TMEM117: variants seen among roughly 807,000 people sequenced by gnomAD.
TMEM117 encodes the protein transmembrane protein 117.
TMEM117 carries 27 observed loss-of-function variants against 52.4 expected under a neutral mutation model. The observed-to-expected ratio is 0.51, with a 90% CI of 0.38 to 0.71. The LOEUF is 0.71. Ranked by LOEUF, TMEM117 falls within the 30% of genes least tolerant of loss-of-function variation. The probability of loss-of-function intolerance (pLI) is 0.00; values close to 1 mark genes in which losing one functional copy is unlikely to be tolerated. For synonymous variants in TMEM117, 215 were observed against 206.3 expected, an observed-to-expected ratio of 1.04 and a Z score of -0.36; for missense variants, 556 against 630.5, an observed-to-expected ratio of 0.88 and a Z score of 1.26.
the TMEM117 span, among the ~76,000 whole-genome samples, chr12:43,810,862 T>TAGGCTAGGTCA: frequency 6.6e-6 from 1 of 152,184 alleles, no homozygotes; most frequent in Admixed American, 6.5e-5. Context: ...TTTTTCAGAA[T>TAGGCTAGGTCA]AGGCTAGGTC....
chr12:43,829,829 C>T, the TMEM117 span, among the ~76,000 whole-genome samples: 1 of 152,130 alleles, frequency 6.6e-6, no homozygotes, highest in Non-Finnish European at 1.5e-5. Context: ...GTGGCTCACG[C>T]CTGTAATCCC....
At chr12:44,005,089 T>C (rs1214333002) in intron 3 of TMEM117, among the ~76,000 whole-genome samples, 1 of 152,230 alleles carries the variant, frequency 6.6e-6, no homozygotes, top group Non-Finnish European at 1.5e-5. Context: ...TTGTCAGGCA[T>C]GCTCACATGT....
At chr12:44,297,299 T>A (rs1565685386) in intron 5 of TMEM117, among the ~76,000 whole-genome samples, 1 of 152,218 alleles carries the variant, frequency 6.6e-6, no homozygotes. Flanking sequence ...CTTAATCAAC[T>A]GTCTTTACTA....
At chr12:44,279,216 A>G (rs910072909) in intron 5 of TMEM117, among the ~76,000 whole-genome samples, 1 of 152,204 alleles carries the variant, frequency 6.6e-6, no homozygotes, top group Admixed American at 6.5e-5. Context: ...ATTAGGTAGC[A>G]TTTTAATATG....
chr12:43,806,164 G>T, the TMEM117 span: 1 of 1,535,234 alleles, frequency 6.5e-7, no homozygotes, highest in Non-Finnish European at 8.7e-7. Context: ...CAGCCCTCCC[G>T]GCTCTCCCGG....
At chr12:44,262,131 T>C (rs1020979869) in intron 5 of TMEM117, among the ~76,000 whole-genome samples, 1 of 152,140 alleles carries the variant, frequency 6.6e-6, no homozygotes, top group Non-Finnish European at 1.5e-5. Context: ...AGTCCTGCCT[T>C]TAAAATAAGG....
chr12:43,832,840 A>ACT (rs1257126125), upstream of TMEM117, among the ~76,000 whole-genome samples: 2 of 152,118 alleles, frequency 1.3e-5, no homozygotes, highest in Non-Finnish European at 2.9e-5. Flanking sequence ...AGAGAGGGAT[A>ACT]CTCCGTGTTT....
chr12:44,000,703 G>T (rs985563731), intron 3 of TMEM117, among the ~76,000 whole-genome samples: 1 of 152,130 alleles, frequency 6.6e-6, no homozygotes, highest in Non-Finnish European at 1.5e-5. Flanking sequence ...AGAGAAAATT[G>T]AATCTCCCTG....
At chr12:43,836,955 C>T (rs73096907) in intron 1 of TMEM117, among the ~76,000 whole-genome samples, 561 of 152,230 alleles carry the variant, frequency 3.7e-3, no homozygotes, top group Non-Finnish European at 6.4e-3. Flanking sequence ...CAAGGAAGGA[C>T]TTCTAGGAAG....
At chr12:43,900,835 G>C (rs1944292483) in intron 2 of TMEM117, among the ~76,000 whole-genome samples, 2 of 151,970 alleles carry the variant, frequency 1.3e-5, no homozygotes, top group Admixed American at 1.3e-4. Context: ...CAGAGAGAGA[G>C]AGAGGAAGGA....
chr12:44,295,199 T>C (rs1254017968), intron 5 of TMEM117, among the ~76,000 whole-genome samples: 1 of 152,000 alleles, frequency 6.6e-6, no homozygotes, highest in African/African-American at 2.4e-5. Context: ...CTATATATAT[T>C]GTATTTATTT....
chr12:44,080,794 G>A (rs746886752), intron 3 of TMEM117, among the ~76,000 whole-genome samples: 56 of 152,058 alleles, frequency 3.7e-4, no homozygotes, highest in African/African-American at 1.1e-3. Context: ...AGTCATGTTC[G>A]TTCATTTATG....
chr12:44,107,863 T>C (rs1947987771), intron 3 of TMEM117, among the ~76,000 whole-genome samples: 1 of 152,196 alleles, frequency 6.6e-6, no homozygotes, highest in African/African-American at 2.4e-5. Context: ...AAAAGTAGTA[T>C]GCAGTCATTG....
chr12:44,338,621 G>A (rs1221682901), intron 6 of TMEM117, among the ~76,000 whole-genome samples: 1 of 151,774 alleles, frequency 6.6e-6, no homozygotes, highest in African/African-American at 2.4e-5. Flanking sequence ...ATATAAATGA[G>A]AAGCGTAAAC....
intron 7 of TMEM117, among the ~76,000 whole-genome samples, chr12:44,387,588 A>G (rs1206234114): frequency 6.6e-6 from 1 of 152,160 alleles, no homozygotes; most frequent in Non-Finnish European, 1.5e-5. Context: ...TTGCATTGCA[A>G]AATGATTTAT....
At chr12:44,273,373 C>CATATAT (rs144839729) in intron 5 of TMEM117, among the ~76,000 whole-genome samples, 4 of 149,636 alleles carry the variant, frequency 2.7e-5, no homozygotes, top group Non-Finnish European at 5.9e-5. Flanking sequence ...AATAAATATA[C>CATATAT]ATATATATAT....
chr12:44,237,336 A>G (rs1433163127), intron 5 of TMEM117, among the ~76,000 whole-genome samples: 1 of 151,894 alleles, frequency 6.6e-6, no homozygotes, highest in East Asian at 1.9e-4. Context: ...TTACCTTCAT[A>G]GAATATAATT....
intron 4 of TMEM117, among the ~76,000 whole-genome samples, chr12:44,152,221 T>G (rs1227974759): frequency 9.2e-6 from 1 of 108,932 alleles, no homozygotes; most frequent in East Asian, 3.2e-4. Flanking sequence ...ATATTATATA[T>G]TATAAATATA....
intron 3 of TMEM117, among the ~76,000 whole-genome samples, chr12:44,066,447 T>C (rs532280277): frequency 3.3e-5 from 5 of 152,304 alleles, no homozygotes; most frequent in African/African-American, 9.6e-5. Flanking sequence ...ATTCTGAAGC[T>C]ATTGCTTGAT....
Sources: allele counts gnomAD v4.1 joint callset (sites outside exome capture counted in the v4.1 genomes callset), GRCh38; gene constraint gnomAD v4.1.1; transcripts MANE v1.5; gene names NCBI Gene and HGNC (gene_info 2026-07-23, HGNC 2026-07-21).